The following ERC2 variants were observed in gnomAD, a reference collection of about 807,000 sequenced individuals.
ERC2 encodes the protein ERC protein 2.
Under a neutral mutation model 114.8 loss-of-function variants are expected in ERC2, and 42 were observed. The observed-to-expected ratio is 0.37, with a 90% CI of 0.29 to 0.47. ERC2 has a LOEUF of 0.47. Among genes scored for constraint, ERC2 ranks in the 20% least tolerant of loss-of-function variants. The pLI is 0.99. For synonymous variants in ERC2, 454 were observed against 425.5 expected (o/e 1.07, Z -0.82); for missense variants, 939 against 1,150.7 (o/e 0.82, Z 2.66).
At chr3:56,217,027 C>A (rs1575885488) in intron 3 of ERC2, among the ~76,000 whole-genome samples, 1 of 152,138 alleles carries the variant, frequency 6.6e-6, no homozygotes, top group South Asian at 2.1e-4. Flanking sequence ...AAACCCACAG[C>A]CAATATCATA....
rs151184438 is a variant in ERC2, at chr3:55,922,140, G to T, written c.2403+28285C>A. Among the ~76,000 whole-genome samples the T allele has an allele frequency of 1.5e-3, 234 of 152,190 alleles. 1 individual carries two copies. The highest frequency in any genetic ancestry group is 5.3e-3 in the African/African-American group (222 of 41,562). On this transcript the variant is annotated intron_variant, in intron 13 of 17. Coordinates refer to ENST00000288221, the MANE Select transcript of ERC2 (RefSeq NM_015576.3). ...TCTCAGAATACTTCTGACCCACATAGTTTCAAATCAGTTACTTTAAGTACA... is the reference window on the plus strand; with the variant it reads ...TCTCAGAATACTTCTGACCCACATATTTTCAAATCAGTTACTTTAAGTACA...
At chr3:55,768,895 T>C (rs758463520) in intron 14 of ERC2, among the ~76,000 whole-genome samples, 2 of 152,208 alleles carry the variant, frequency 1.3e-5, no homozygotes, top group Non-Finnish European at 2.9e-5. Context: ...GGAACAGACA[T>C]GATCAAACTC....
intron 3 of ERC2, among the ~76,000 whole-genome samples, chr3:56,259,358 C>T (rs574161718): frequency 6.6e-5 from 10 of 152,166 alleles, no homozygotes; most frequent in South Asian, 2.1e-4. Flanking sequence ...GGAAGATGTA[C>T]GTTCACTGCA....
At chr3:55,656,202 C>T (rs1432519755) in intron 17 of ERC2, among the ~76,000 whole-genome samples, 3 of 152,146 alleles carry the variant, frequency 2.0e-5, no homozygotes, top group Non-Finnish European at 4.4e-5. Flanking sequence ...TGCAGTGGTG[C>T]AATCATAGCT....
At chr3:55,801,381 G>A (rs2071033633) in intron 14 of ERC2, among the ~76,000 whole-genome samples, 2 of 152,166 alleles carry the variant, frequency 1.3e-5, no homozygotes, top group South Asian at 2.1e-4. Context: ...GGTAACCAGG[G>A]AGAAAGAGGT....
intron 12 of ERC2, among the ~76,000 whole-genome samples, chr3:55,979,299 G>A (rs1002565991): frequency 5.9e-5 from 9 of 152,172 alleles, no homozygotes; most frequent in African/African-American, 1.7e-4. Context: ...AGACTATTTC[G>A]TTACTTCATG....
chr3:56,174,665 C>T (rs1056009201), intron 3 of ERC2, among the ~76,000 whole-genome samples: 1 of 152,316 alleles, frequency 6.6e-6, no homozygotes, highest in East Asian at 1.9e-4. Context: ...TTATCATCTA[C>T]TATCACTGTC....
At chr3:55,907,771 T>C (rs940890220) in intron 13 of ERC2, among the ~76,000 whole-genome samples, 1 of 152,164 alleles carries the variant, frequency 6.6e-6, no homozygotes, top group Non-Finnish European at 1.5e-5. Context: ...TTGGAGATAA[T>C]AACACACTTC....
At chr3:56,370,887 C>T (rs2059341466) in intron 2 of ERC2, among the ~76,000 whole-genome samples, 1 of 152,160 alleles carries the variant, frequency 6.6e-6, no homozygotes, top group South Asian at 2.1e-4. Context: ...AGGCACTGCG[C>T]CCAGCCTTGC....
intron 1 of ERC2, among the ~76,000 whole-genome samples, chr3:56,447,900 G>A (rs2062652658): frequency 6.6e-6 from 1 of 151,890 alleles, no homozygotes; most frequent in Admixed American, 6.6e-5. Context: ...CCACCACCAA[G>A]CCCAGGGAAT....
chr3:55,539,657 G>A (rs1047647403), intron 17 of ERC2, among the ~76,000 whole-genome samples: 9 of 151,392 alleles, frequency 5.9e-5, no homozygotes, highest in Admixed American at 5.9e-4. Context: ...TTGATCTCCT[G>A]ACCTCGTGAT....
At chr3:55,818,657 A>G (rs1179582673) in intron 14 of ERC2, among the ~76,000 whole-genome samples, 2 of 152,202 alleles carry the variant, frequency 1.3e-5, no homozygotes, top group Admixed American at 6.5e-5. Flanking sequence ...AGATGGAGGC[A>G]TTGACACCAC....
intron 3 of ERC2, among the ~76,000 whole-genome samples, chr3:56,272,316 C>A (rs890203706): frequency 6.6e-6 from 1 of 152,262 alleles, no homozygotes; most frequent in Non-Finnish European, 1.5e-5. Context: ...TAATTGCTTT[C>A]TCTCTTTCCT....
At chr3:56,269,140 T>C (rs2053502415) in intron 3 of ERC2, among the ~76,000 whole-genome samples, 1 of 152,206 alleles carries the variant, frequency 6.6e-6, no homozygotes, top group South Asian at 2.1e-4. Flanking sequence ...CCTAACAGCT[T>C]GGAAAAAATT....
At chr3:56,189,678 C>T (rs546977071) in intron 3 of ERC2, among the ~76,000 whole-genome samples, 1 of 152,304 alleles carries the variant, frequency 6.6e-6, no homozygotes, top group South Asian at 2.1e-4. Context: ...TTCTTGGCAT[C>T]CCCCATAGAA....
intron 13 of ERC2, among the ~76,000 whole-genome samples, chr3:55,911,506 T>C (rs2064813379): frequency 1.3e-5 from 2 of 152,218 alleles, no homozygotes; most frequent in African/African-American, 2.4e-5. Context: ...TCAACGGCTA[T>C]ATGTCTCCTA....
chr3:55,942,443 T>C (rs1468549914), intron 13 of ERC2, among the ~76,000 whole-genome samples: 35 of 149,406 alleles, frequency 2.3e-4, no homozygotes, highest in Non-Finnish European at 3.6e-4. Context: ...CGCCCGCCAC[T>C]ACGCCCGGCT....
At chr3:56,137,818 T>C (rs1351528127) in intron 6 of ERC2, among the ~76,000 whole-genome samples, 1 of 152,216 alleles carries the variant, frequency 6.6e-6, no homozygotes, top group Non-Finnish European at 1.5e-5. Context: ...GTGGCTAATG[T>C]GACTATAGAA....
At chr3:55,773,983 G>C (rs1360471730) in intron 14 of ERC2, among the ~76,000 whole-genome samples, 1 of 152,144 alleles carries the variant, frequency 6.6e-6, no homozygotes, top group African/African-American at 2.4e-5. Flanking sequence ...CCTGTCTGAT[G>C]CCCAAAGTAT....
Sources: gnomAD v4.1 joint callset for allele counts (sites outside exome capture counted in the v4.1 genomes callset) on GRCh38, gnomAD v4.1.1 for gene constraint, MANE v1.5 for transcripts, NCBI Gene and HGNC (gene_info 2026-07-23, HGNC 2026-07-21) for gene names.